Variants in IL17RC observed in about 807,000 individuals in gnomAD.
The protein encoded by IL17RC is interleukin 17 receptor C.
IL17RC carries 53 observed loss-of-function variants against 86.7 expected under a neutral mutation model. The ratio of observed to expected loss-of-function variants is 0.61; its 90% confidence interval spans 0.49 to 0.77. The LOEUF (loss-of-function observed/expected upper bound fraction) is 0.77. Among genes scored for constraint, IL17RC ranks in the 30% least tolerant of loss-of-function variants. IL17RC has a pLI of 0.00. For missense variants in IL17RC, 957 were observed against 940.0 expected, an observed-to-expected ratio of 1.02 and a Z score of -0.24; for synonymous variants, 439 against 413.1, an observed-to-expected ratio of 1.06 and a Z score of -0.76.
rs9864177 is a variant in IL17RC at position 9,920,977 on chromosome 3, C to G, written c.622+8C>G. ...GCATCCCGAGCTGCTGGGGTAGGGG[C>G]TAGGGCCAGTGGGCCGGGGGTAGGG... On this transcript the variant is annotated splice_region_variant and intron_variant, in intron 7 of 18. Transcript: ENST00000403601. The G allele has an allele frequency of 6.4e-7, 1 of 1,563,418 alleles. No homozygotes were observed. Among genetic ancestry groups the G allele is most frequent in the Admixed American group, 2.0e-5 (1 of 50,528 alleles).
At chr3:9,920,658 C>T in intron 6 of IL17RC, 56 bp downstream of exon 6, 1 of 1,197,100 alleles carries the variant, frequency 8.4e-7, no homozygotes, top group Non-Finnish European at 1.2e-6. Flanking sequence ...GGCCATTCCC[C>T]CTCCTGATTT....
chr3:9,918,615 C>T lies in IL17RC; in HGVS notation c.465+6C>T. 6.3e-7 allele frequency: 1 copy of T among 1,581,796 alleles called. No homozygotes were observed. The highest frequency in any genetic ancestry group is 2.2e-5 in the East Asian group (1 of 44,724). ...TGCAGTTTGGTCAGTCTGTGGTATG[C>T]AAAATAATAATAATCACCTTCTAAA... On this transcript the variant is annotated splice_donor_region_variant and intron_variant, in intron 5 of 18. Transcript: ENST00000403601.
chr3:9,932,551 C>CA, intron 16 of IL17RC, 57 bp from the exon 17 acceptor site: 2 of 1,474,974 alleles, frequency 1.4e-6, no homozygotes, highest in Non-Finnish European at 1.9e-6. Flanking sequence ...TGTTAAGTCT[C>CA]AGTTTTTCTT....
At position 9,918,245 on chromosome 3, in the gene IL17RC, C is replaced by G. The variant is rs930141813; in HGVS notation, c.281-90C>G. On this transcript the variant is annotated intron_variant, in intron 3 of 18. Transcript: ENST00000403601. ...GGTCTCCCCAGCCCCTGCTTCCCAGCACTGGGCTTTCCAGAAGGAAGCCAA... is the reference window on the plus strand; with the variant it reads ...GGTCTCCCCAGCCCCTGCTTCCCAGGACTGGGCTTTCCAGAAGGAAGCCAA... The G allele has an allele frequency of 1.3e-5, 18 of 1,364,400 alleles. No individual in the cohort carries two copies. In the African/African-American group the frequency reaches 2.4e-4, roughly 19 times the overall value. The allele number at this position is 1,364,400 out of a possible 1,614,324, so 84.5% of individuals were successfully genotyped here. A position where few individuals can be genotyped will look rare whatever the true frequency, so the allele number is the denominator to read the frequency against.
At chr3:9,931,388 G>T (rs1193382659) in intron 16 of IL17RC, among the ~76,000 whole-genome samples, 1 of 150,766 alleles carries the variant, frequency 6.6e-6, no homozygotes, top group Non-Finnish European at 1.5e-5. Context: ...AGATGCAGGA[G>T]ACATGTAGGG....
chr3:9,921,499 A>C (rs1450096379), intron 7 of IL17RC, among the ~76,000 whole-genome samples: 2 of 152,286 alleles, frequency 1.3e-5, no homozygotes. Context: ...CTTGAAATAA[A>C]AGCTAAGAAA....
rs1205400619 is a variant in IL17RC at position 9,933,186 on chromosome 3, G to A, written c.1756G>A (p.Val586Met). The A allele has an allele frequency of 6.2e-7, 1 of 1,608,226 alleles. No individual in the cohort carries two copies. The highest frequency in any genetic ancestry group is 8.5e-7 in the Non-Finnish European group (1 of 1,178,132). ...GGTCTTGCTCTTCTCTCCCGGTGCG[G>A]TGGCGCTGTGCAGCGAGTGGCTACA... ...VVVLLFSPGA[V>M]ALCSEWLQDG... Residue 586 changes from valine (V) to methionine (M), a missense_variant, in exon 19 of 19, where the codon GTG becomes ATG. By Grantham distance (21) the Val-to-Met change is conservative. Coordinates refer to ENST00000403601, the MANE Select transcript of IL17RC (RefSeq NM_153460.4).
intron 3 of IL17RC, 26 bp from the exon 4 acceptor site, chr3:9,918,297 GGGGCCTCACCCA>G (rs1191551475): frequency 6.5e-7 from 1 of 1,531,734 alleles, no homozygotes; most frequent in Non-Finnish European, 8.9e-7. Flanking sequence ...CCCAGAGCAG[GGGGCCTCACCCA>G]GGGCCTTGCT....
rs1229427591 is a variant in IL17RC, at chr3:9,930,981, G to A, written c.1387+38G>A. ...AGAACTGCCTTTCCTTTCTGTACCA[G>A]GAGTGGGGATCTTGACAGGGACCAC... is the stretch of plus-strand genomic sequence containing the variant. On this transcript the variant is annotated intron_variant, in intron 16 of 18. Transcript: ENST00000403601. This position sits in a 1 kb window ranked among gnomAD's most constrained non-coding sequence, Gnocchi z 5.8. 5.1e-6 allele frequency: 8 copies of A among 1,568,620 alleles called. No individual in the cohort carries two copies. The highest frequency in any genetic ancestry group is 3.3e-4 in the Middle Eastern group (2 of 6,004).
chr3:9,918,103 T>C, intron 3 of IL17RC, 28 bp downstream of exon 3: 2 of 1,552,560 alleles, frequency 1.3e-6, no homozygotes, highest in Non-Finnish European at 1.7e-6. Flanking sequence ...TGACAGTGCA[T>C]GTGTACACGT....
intron 16 of IL17RC, among the ~76,000 whole-genome samples, chr3:9,931,651 C>T (rs1156636033): frequency 6.0e-4 from 91 of 151,492 alleles, no homozygotes; most frequent in Non-Finnish European, 2.4e-4. Context: ...GATTAATAGG[C>T]GCCTGCCACC....
intron 18 of IL17RC, 38 bp downstream of exon 18, chr3:9,932,896 G>T (rs745583769): frequency 6.3e-7 from 1 of 1,594,228 alleles, no homozygotes; most frequent in Non-Finnish European, 8.5e-7. Flanking sequence ...GGCCGCCCCC[G>T]GGGAGCCAGG....
intron 7 of IL17RC, among the ~76,000 whole-genome samples, chr3:9,923,413 G>A (rs2083754261): frequency 6.6e-6 from 1 of 151,116 alleles, no homozygotes; most frequent in African/African-American, 2.4e-5. Context: ...ACTAGCCGGG[G>A]GTGGTGACAC....
rs573428872 is a variant in IL17RC at position 9,920,847 on chromosome 3, C to T, written c.578-78C>T. The stretch of plus-strand genomic sequence containing the variant: ...GGGATGGGGAGCCATTCCTAATGCC[C>T]CCCTGGGAGCCAAATTGCCCCCACT... On this transcript the variant is annotated intron_variant, in intron 6 of 18. Coordinates refer to ENST00000403601, the MANE Select transcript of IL17RC (RefSeq NM_153460.4). 1.3e-4 allele frequency: 152 copies of T among 1,205,344 alleles called. No individual in the cohort carries two copies. In the African/African-American group the frequency reaches 2.1e-3, roughly 17 times the overall value. 74.7% of individuals were successfully genotyped at this position (1,205,344 alleles called of 1,614,324 possible).
Position 9,933,549 on chromosome 3 carries a change from G to A in IL17RC, c.2119G>A (p.Gly707Arg), listed in dbSNP as rs576002780. The change falls in exon 19 of 19, where the codon GGG (glycine) becomes AGG (arginine). Residue 707 changes from glycine to arginine, a missense_variant. By Grantham distance (125) the Gly-to-Arg change is moderately radical. Coordinates refer to ENST00000403601, the MANE Select transcript of IL17RC (RefSeq NM_153460.4). Reference protein sequence around the residue: ...HPPGTPAPGRGVGPGAGPGAG... With the variant: ...HPPGTPAPGRRVGPGAGPGAG... ...CCCGGGGACTCCCGCGCCGGGACGC[G>A]GGGTGGGACCAGGCGCGGGACCTGG... The A allele has an allele frequency of 1.7e-5, 27 of 1,607,030 alleles. No homozygotes were observed. The highest frequency in any genetic ancestry group is 1.1e-4 in the African/African-American group (8 of 74,952).
intron 5 of IL17RC, among the ~76,000 whole-genome samples, chr3:9,919,514 T>C (rs1005524251): frequency 2.6e-5 from 4 of 151,930 alleles, no homozygotes; most frequent in Non-Finnish European, 4.4e-5. Flanking sequence ...GGCATGGTGG[T>C]GGGCGCCTGT....
intron 7 of IL17RC, 54 bp from the exon 8 acceptor site, chr3:9,923,827 G>A: frequency 3.8e-6 from 6 of 1,593,518 alleles, no homozygotes; most frequent in Middle Eastern, 2.1e-4. Context: ...GTCAGTCGGG[G>A]ATGCAGAAGA....
In IL17RC at chr3:9,933,343, T is replaced by C; in HGVS notation, c.1913T>C (p.Leu638Pro). 6.2e-7 allele frequency: 1 copy of C among 1,610,626 alleles called. No individual in the cohort carries two copies. Among genetic ancestry groups the C allele is most frequent in the Non-Finnish European group, 8.5e-7 (1 of 1,178,820 alleles). The change falls in exon 19 of 19, where the codon CTC (leucine) becomes CCC (proline). Residue 638 changes from leucine (L) to proline (P), a missense_variant. Coordinates refer to ENST00000403601, the MANE Select transcript of IL17RC (RefSeq NM_153460.4). Reference protein sequence around the residue: ...SYVGACFDRLLHPDAVPALFR... With the variant: ...SYVGACFDRLPHPDAVPALFR... ...GTGGGGGCCTGCTTCGACAGGCTGCTCCACCCGGACGCCGTACCCGCCCTT... is the reference window on the plus strand; with the variant it reads ...GTGGGGGCCTGCTTCGACAGGCTGCCCCACCCGGACGCCGTACCCGCCCTT...
rs1242670908 is a variant in IL17RC at position 9,928,719 on chromosome 3, CAT to C, written c.1110+91_1110+92del. 3 of 1,391,120 alleles carry C rather than the reference CAT, an allele frequency of 2.2e-6. No individual in the cohort carries two copies. In the African/African-American group the frequency reaches 4.3e-5, roughly 20 times the overall value. 86.2% of individuals were successfully genotyped at this position (1,391,120 alleles called of 1,614,324 possible). ...GGTCTTAGTTCTTGGGCCGCTAAAG[CAT>C]AGTGGTTGCCAGCTTCCTCTATGGG... On this transcript the variant is annotated intron_variant, in intron 12 of 18. Coordinates refer to ENST00000403601, the MANE Select transcript of IL17RC (RefSeq NM_153460.4).
Sources: allele counts gnomAD v4.1 joint callset (sites outside exome capture counted in the v4.1 genomes callset), GRCh38; gene constraint gnomAD v4.1.1; non-coding constraint Gnocchi (gnomAD v3.1); transcripts MANE v1.5; gene names NCBI Gene and HGNC (gene_info 2026-07-23, HGNC 2026-07-21).